Variants in CLTCL1 observed in about 807,000 individuals in gnomAD.
The protein encoded by CLTCL1 is clathrin heavy chain like 1.
CLTCL1 carries 159 observed loss-of-function variants against 190.0 expected under a neutral mutation model. The observed-to-expected ratio is 0.84, with a 90% CI of 0.74 to 0.95. The LOEUF (loss-of-function observed/expected upper bound fraction) is 0.95, where lower values mean the gene tolerates loss of function less well. Among genes scored for constraint, CLTCL1 ranks in the 40% least tolerant of loss-of-function variants. The probability of loss-of-function intolerance (pLI) is 0.00; values close to 1 mark genes in which losing one functional copy is unlikely to be tolerated. For synonymous variants in CLTCL1, 752 were observed against 769.6 expected (o/e 0.98, Z 0.38); for missense variants, 1,878 against 2,033.4 (o/e 0.92, Z 1.47).
intron 2 of CLTCL1, among the ~76,000 whole-genome samples, chr22:19,274,336 A>G (rs1333320391): frequency 3.9e-5 from 6 of 152,168 alleles, no homozygotes; most frequent in African/African-American, 1.4e-4. Flanking sequence ...CATAAAATGC[A>G]GAAAAGGGCG....
intron 32 of CLTCL1, 41 bp downstream of exon 32, chr22:19,180,158 C>A (rs1555925102): frequency 6.4e-7 from 1 of 1,573,294 alleles, no homozygotes; most frequent in African/African-American, 1.3e-5. Flanking sequence ...GAGAACCTGG[C>A]CTGGCTAGAG....
intron 19 of CLTCL1, among the ~76,000 whole-genome samples, chr22:19,215,699 G>A (rs1216861093): frequency 2.0e-5 from 3 of 152,126 alleles, no homozygotes; most frequent in Admixed American, 6.5e-5. Flanking sequence ...ATTATACTTC[G>A]GGCAAGTCTT....
chr22:19,234,500 GT>G lies in CLTCL1; in HGVS notation c.1167+8del, dbSNP rs782564572. 1 of 1,606,950 alleles carries G rather than the reference GT, an allele frequency of 6.2e-7. No individual in the cohort carries two copies. The highest frequency in any genetic ancestry group is 8.5e-7 in the Non-Finnish European group (1 of 1,176,150). On this transcript the variant is annotated splice_region_variant and intron_variant, in intron 7 of 32. Transcript: ENST00000427926. ...TCAGAACACTTGAACAGTATTCAAG[GT>G]TTATCACCTTTGGTGCAGACGCTGC...
At chr22:19,280,149 C>A (rs1470566572) in intron 1 of CLTCL1, among the ~76,000 whole-genome samples, 1 of 152,080 alleles carries the variant, frequency 6.6e-6, no homozygotes, top group Non-Finnish European at 1.5e-5. Context: ...TAAATGTACA[C>A]AAATAAAATA....
At chr22:19,248,763 T>A (rs1183809810) in intron 3 of CLTCL1, among the ~76,000 whole-genome samples, 1 of 152,230 alleles carries the variant, frequency 6.6e-6, no homozygotes, top group African/African-American at 2.4e-5. Context: ...TTGGCCAGGC[T>A]GGTCTTGAAA....
chr22:19,232,502 C>T lies in CLTCL1; in HGVS notation c.1618G>A (p.Glu540Lys), dbSNP rs927569939. The T allele has an allele frequency of 4.3e-6, 7 of 1,613,978 alleles. No individual in the cohort carries two copies. The highest frequency in any genetic ancestry group is 1.6e-4 in the Middle Eastern group (1 of 6,062). Residue 540 changes from glutamate to lysine, a missense_variant, in exon 10 of 33, where the codon GAG (glutamate) becomes AAG (lysine). Glu to Lys is a moderately conservative substitution (Grantham distance 56, BLOSUM62 1). Coordinates refer to ENST00000427926, the MANE Select transcript of CLTCL1 (RefSeq NM_007098.4). ...TGGCTAATGTTGGCCAGCGGCTCCT[C>T]GTCCTGCACTAGCATTCGAGAAAAC... ...LQFSRMLVQDEEPLANISQIV... is the reference protein window; with the variant it reads ...LQFSRMLVQDKEPLANISQIV...
chr22:19,212,924 C>T (rs893754519), intron 19 of CLTCL1, among the ~76,000 whole-genome samples: 2 of 152,136 alleles, frequency 1.3e-5, no homozygotes, highest in Non-Finnish European at 2.9e-5. Flanking sequence ...GGAGTATTAA[C>T]AGAGTTCTTG....
chr22:19,221,611 C>A lies in CLTCL1; in HGVS notation c.2562G>T (p.Arg854Ser). ...CCAGCCAGGGAAGCAGCAGCTTGAGCCTTTGAAAGAAGGAAGGTGCTGTAA... is the reference window on the plus strand; with the variant it reads ...CCAGCCAGGGAAGCAGCAGCTTGAGACTTTGAAAGAAGGAAGGTGCTGTAA... ...ELVAEVEKRN[R>S]LKLLLPWLES... The change falls in exon 17 of 33, where the codon AGG becomes AGT. Residue 854 changes from arginine (R) to serine (S), a missense_variant and splice_region_variant. Coordinates refer to ENST00000427926, the MANE Select transcript of CLTCL1 (RefSeq NM_007098.4). The A allele has an allele frequency of 6.3e-7, 1 of 1,575,124 alleles. No individual in the cohort carries two copies. The highest frequency in any genetic ancestry group is 8.6e-7 in the Non-Finnish European group (1 of 1,159,730).
chr22:19,191,819 G>A (rs541299303), intron 26 of CLTCL1, among the ~76,000 whole-genome samples: 2 of 152,290 alleles, frequency 1.3e-5, no homozygotes, highest in East Asian at 3.9e-4. Flanking sequence ...GCTTTCCTTG[G>A]AGGCCTCAGC....
At chr22:19,255,648 G>A (rs868964242) in intron 2 of CLTCL1, among the ~76,000 whole-genome samples, 4 of 150,030 alleles carry the variant, frequency 2.7e-5, no homozygotes, top group African/African-American at 4.9e-5. Context: ...GGTGGCTCAC[G>A]CCTGTAATCC....
chr22:19,199,864 G>C (rs9605957), intron 23 of CLTCL1, 23 bp from the exon 24 acceptor site: 1 of 1,547,364 alleles, frequency 6.5e-7, no homozygotes, highest in Non-Finnish European at 8.8e-7. Context: ...GGGCAAGCGT[G>C]AGGGTCCCCA....
chr22:19,275,380 G>T (rs1292825952), intron 2 of CLTCL1, among the ~76,000 whole-genome samples: 2 of 151,932 alleles, frequency 1.3e-5, no homozygotes, highest in South Asian at 2.1e-4. Flanking sequence ...GAAGACAAAG[G>T]CCTGGGCATT....
chr22:19,272,154 G>C (rs1460154387), intron 2 of CLTCL1, among the ~76,000 whole-genome samples: 2 of 152,126 alleles, frequency 1.3e-5, no homozygotes, highest in Admixed American at 6.6e-5. Flanking sequence ...GCAAAAAGCA[G>C]ACCGTTTGCC....
In CLTCL1 at chr22:19,254,108, C is replaced by G. The variant is rs140033543; in HGVS notation, c.370G>C (p.Glu124Gln). 2.5e-6 allele frequency: 4 copies of G among 1,613,180 alleles called. No homozygotes were observed. The South Asian group carries it at 4.4e-5, about 18-fold the overall frequency. The change falls in exon 3 of 33, where the codon GAG becomes CAG. Residue 124 changes from glutamate (E) to glutamine (Q), a missense_variant. Transcript: ENST00000427926. ...VSVNTVALVT[E>Q]TAVYHWSMEG... ...ATGCTCCAGTGGTAGACCGCGGTCTCGGTCACCAAGGCAACAGTGTTCACA... is the reference window on the plus strand; with the variant it reads ...ATGCTCCAGTGGTAGACCGCGGTCTGGGTCACCAAGGCAACAGTGTTCACA...
chr22:19,260,880 C>G lies in CLTCL1; in HGVS notation c.251-6653G>C, dbSNP rs138162806. Among the ~76,000 whole-genome samples the G allele has an allele frequency of 1.4e-3, 199 of 146,706 alleles. 2 individuals are homozygous for G. The highest frequency in any genetic ancestry group is 4.8e-3 in the African/African-American group (190 of 39,846). The stretch of plus-strand genomic sequence containing the variant: ...GTCGTGATGATAGTACATCTGTTTA[C>G]AGCATGATTTACTGAATATTTAAAA... On this transcript the variant is annotated intron_variant, in intron 2 of 32. Transcript: ENST00000427926.
intron 18 of CLTCL1, among the ~76,000 whole-genome samples, chr22:19,217,659 C>T (rs113736392): frequency 2.0e-3 from 273 of 135,924 alleles, no homozygotes; most frequent in African/African-American, 7.2e-3. Context: ...ACCAGCCTGG[C>T]TAACATAGTG....
chr22:19,288,495 C>T (rs537254497), intron 1 of CLTCL1, among the ~76,000 whole-genome samples: 1 of 152,316 alleles, frequency 6.6e-6, no homozygotes, highest in African/African-American at 2.4e-5. Context: ...AACCTCACAA[C>T]TACCTTGTGA....
intron 29 of CLTCL1, among the ~76,000 whole-genome samples, chr22:19,187,286 C>A (rs2084344664): frequency 6.6e-6 from 1 of 152,166 alleles, no homozygotes; most frequent in Non-Finnish European, 1.5e-5. Context: ...GTGAAACTCA[C>A]ACAAAACTGC....
intron 13 of CLTCL1, among the ~76,000 whole-genome samples, chr22:19,224,537 G>A (rs1005917775): frequency 6.6e-6 from 1 of 152,180 alleles, no homozygotes; most frequent in Non-Finnish European, 1.5e-5. Context: ...AGAGGCTAAT[G>A]ATGTTCCTCA....
Sources: gnomAD v4.1 joint callset for allele counts (sites outside exome capture counted in the v4.1 genomes callset) on GRCh38, gnomAD v4.1.1 for gene constraint, MANE v1.5 for transcripts, NCBI Gene and HGNC (gene_info 2026-07-23, HGNC 2026-07-21) for gene names.